SLFN12L: variants seen among roughly 807,000 people sequenced by gnomAD.
The protein encoded by SLFN12L is schlafen family member 12-like.
In SLFN12L, 34 loss-of-function variants were observed where a neutral mutation model predicts 34.8. The observed-to-expected ratio is 0.98, with a 90% confidence interval of 0.74 to 1.30. The LOEUF (loss-of-function observed/expected upper bound fraction) is 1.30, where lower values mean the gene tolerates loss of function less well. Among genes scored for constraint, SLFN12L ranks in the 50% most tolerant of loss-of-function variants. SLFN12L has a pLI of 0.00. For missense variants in SLFN12L, 703 were observed against 696.2 expected (o/e 1.01, Z -0.11); for synonymous variants, 259 against 247.5 (o/e 1.05, Z -0.44).
chr17:35,536,616 A>G (rs146766907), intron 1 of SLFN12L, among the ~76,000 whole-genome samples: 22 of 152,066 alleles, frequency 1.4e-4, no homozygotes, highest in African/African-American at 4.8e-4. Flanking sequence ...GTTTGAGACC[A>G]GTCTGAGCAA....
chr17:35,488,800 T>A (rs574705385), intron 2 of SLFN12L, among the ~76,000 whole-genome samples: 5 of 152,258 alleles, frequency 3.3e-5, no homozygotes, highest in African/African-American at 1.2e-4. Flanking sequence ...CCGGGCGCGG[T>A]GGCTCAGGAC....
intron 2 of SLFN12L, among the ~76,000 whole-genome samples, chr17:35,506,757 G>A (rs1234753461): frequency 6.6e-6 from 1 of 152,110 alleles, no homozygotes; most frequent in East Asian, 1.9e-4. Context: ...AATGGCCATG[G>A]GAAGCCCGAG....
chr17:35,523,070 C>A, intron 1 of SLFN12L, 101 bp from the exon 2 acceptor site: 1 of 277,676 alleles, frequency 3.6e-6, no homozygotes, highest in East Asian at 7.3e-5. Flanking sequence ...TTATTAATTA[C>A]AGATATTTCA....
intron 1 of SLFN12L, among the ~76,000 whole-genome samples, chr17:35,533,773 C>T (rs1391196876): frequency 1.3e-5 from 2 of 152,118 alleles, no homozygotes; most frequent in Non-Finnish European, 2.9e-5. Context: ...GGGTTCCTGG[C>T]TTTACCCTAA....
rs76821641 is a variant in SLFN12L, at chr17:35,536,839, C to A, written c.-606+734G>T. On this transcript the variant is annotated intron_variant, in intron 1 of 4. Coordinates refer to ENST00000628453, the MANE Select transcript of SLFN12L (RefSeq NM_001363830.2). ...AAAAAAAATAAGAAAAATAAGAAACCCCTTTTCATAGTGATGAAGCAATCA... is the reference window on the plus strand; with the variant it reads ...AAAAAAAATAAGAAAAATAAGAAACACCTTTTCATAGTGATGAAGCAATCA... Among the ~76,000 whole-genome samples the A allele has an allele frequency of 0.011, 1,624 of 151,444 alleles. 88 individuals carry two copies. The East Asian group carries it at 0.18, about 17-fold the overall frequency.
chr17:35,498,088 C>T (rs969539680), intron 2 of SLFN12L: 2 of 531,160 alleles, frequency 3.8e-6, no homozygotes, highest in Non-Finnish European at 6.6e-6. Flanking sequence ...GGCGGCGGGG[C>T]GCGGGGCTCC....
rs974542071 is a variant in SLFN12L, at chr17:35,469,882, C to T, written c.*5041G>A. Among the ~76,000 whole-genome samples the T allele has an allele frequency of 2.6e-5, 4 of 152,106 alleles. No individual in the cohort carries two copies. The highest frequency in any genetic ancestry group is 9.7e-5 in the African/African-American group (4 of 41,406). On this transcript the variant is annotated 3_prime_UTR_variant, in exon 5 of 5. Transcript: ENST00000628453. ...TCAAACTATTGAGTCCTAAGCTGTT[C>T]CCCCTGCCCAGCTGGACCTTTCCCA... is the stretch of plus-strand genomic sequence containing the variant.
intron 2 of SLFN12L, among the ~76,000 whole-genome samples, chr17:35,517,667 AC>A (rs1177024739): frequency 2.0e-5 from 3 of 152,234 alleles, no homozygotes; most frequent in African/African-American, 7.2e-5. Flanking sequence ...GCCTACAGTA[AC>A]CAAAACAGCA....
At chr17:35,507,693 G>A (rs951295120) in intron 2 of SLFN12L, among the ~76,000 whole-genome samples, 1 of 152,212 alleles carries the variant, frequency 6.6e-6, no homozygotes, top group Non-Finnish European at 1.5e-5. Context: ...TATAATAGGA[G>A]TTATAATAGT....
Position 35,478,310 on chromosome 17 carries a change from A to G in SLFN12L, c.1166-125T>C, listed in dbSNP as rs1914129711. 6.2e-5 allele frequency: 37 copies of G among 600,984 alleles called. No homozygotes were observed. The South Asian group carries it at 7.2e-4, about 12-fold the overall frequency. The allele number at this position is 600,984 out of a possible 1,614,324, so 37.2% of individuals were successfully genotyped here. On this transcript the variant is annotated intron_variant, in intron 3 of 4. Transcript: ENST00000628453. ...TGATCCTGCATTCCCAATACAGAAC[A>G]TTAGATATTGTGGTTACATATTGTG...
rs1440701626 is a variant in SLFN12L at position 35,479,628 on chromosome 17, G to A, written c.654C>T (p.Asn218=). The A allele has an allele frequency of 6.2e-7, 1 of 1,611,146 alleles. No homozygotes were observed. Among genetic ancestry groups the A allele is most frequent in the East Asian group, 2.2e-5 (1 of 44,834 alleles). The change falls in exon 3 of 5, where the codon AAC becomes AAT. Residue 218 remains asparagine (N), a synonymous_variant. Coordinates refer to ENST00000628453, the MANE Select transcript of SLFN12L (RefSeq NM_001363830.2). ...RACVDVQEES[N]MEALAADFFN... ...AAAAATCAGCAGCCAAGGCTTCCAT[G>A]TTACTTTCTTCTTGTACATCAACAC...
rs2142123951 is a variant in SLFN12L at position 35,475,380 on chromosome 17, T to C, written c.1382A>G (p.Asn461Ser). 5.0e-6 allele frequency: 8 copies of C among 1,614,240 alleles called. No homozygotes were observed. The highest frequency in any genetic ancestry group is 1.6e-4 in the Middle Eastern group (1 of 6,062). Residue 461 changes from asparagine to serine, a missense_variant, in exon 5 of 5, where the codon AAT becomes AGT. Coordinates refer to ENST00000628453, the MANE Select transcript of SLFN12L (RefSeq NM_001363830.2). ...CCTAGAGAAGATCAGTGAGCCCTTA[T>C]TGACAGAGCCCATTTCTTCACATAT... ...QLICEEMGSV[N>S]KGSLIFSRSW... is the part of the protein sequence containing the mutation.
chr17:35,502,372 A>G (rs906202384), intron 2 of SLFN12L, among the ~76,000 whole-genome samples: 1 of 149,214 alleles, frequency 6.7e-6, no homozygotes, highest in Non-Finnish European at 1.5e-5. Flanking sequence ...TTTTAGAGGA[A>G]ACCTCATTGT....
Position 35,467,368 on chromosome 17 carries a change from ACCTCTTT to A in SLFN12L, c.*7548_*7554del, listed in dbSNP as rs1298193575. Reference sequence around the variant, plus strand: ...CCTTTCAGATTAAGGAACACTAAGAACCTCTTTCCTCTTAGATACCCAAAATCACGTG... The same window carrying A: ...CCTTTCAGATTAAGGAACACTAAGAACCTCTTAGATACCCAAAATCACGTG... On this transcript the variant is annotated 3_prime_UTR_variant, in exon 5 of 5. Transcript: ENST00000628453. Among the ~76,000 whole-genome samples, 1 of 152,092 alleles carries A rather than the reference ACCTCTTT, an allele frequency of 6.6e-6. No homozygotes were observed. Among genetic ancestry groups the A allele is most frequent in the East Asian group, 1.9e-4 (1 of 5,194 alleles).
rs534728331 is a variant in SLFN12L at position 35,467,967 on chromosome 17, T to C, written c.*6956A>G. Among the ~76,000 whole-genome samples the C allele has an allele frequency of 1.8e-4, 27 of 152,334 alleles. No homozygotes were observed. The highest frequency in any genetic ancestry group is 5.8e-4 in the African/African-American group (24 of 41,576). On this transcript the variant is annotated 3_prime_UTR_variant, in exon 5 of 5. Transcript: ENST00000628453. ...CTCTGTTACCCAGGCTGGAGTGCAG[T>C]GGCGTGATCACGATTCACTCCCCAC...
intron 4 of SLFN12L, among the ~76,000 whole-genome samples, chr17:35,476,492 AGG>A (rs2142125298): frequency 6.7e-6 from 1 of 149,830 alleles, no homozygotes; most frequent in South Asian, 2.1e-4. Context: ...GAAGGAAGGA[AGG>A]AAGGAAGGAA....
chr17:35,495,139 A>T (rs547690450), intron 2 of SLFN12L, among the ~76,000 whole-genome samples: 2 of 152,086 alleles, frequency 1.3e-5, no homozygotes, highest in Non-Finnish European at 2.9e-5. Flanking sequence ...GGCTCATGCA[A>T]TCTGCCCGCC....
intron 4 of SLFN12L, 151 bp downstream of exon 4, chr17:35,477,924 T>C: frequency 1.8e-6 from 1 of 554,612 alleles, no homozygotes; most frequent in Non-Finnish European, 3.2e-6. Context: ...AGAAATAGAA[T>C]TTGACAAATT....
chr17:35,524,532 G>A (rs2072315544), intron 1 of SLFN12L, among the ~76,000 whole-genome samples: 1 of 152,234 alleles, frequency 6.6e-6, no homozygotes, highest in Admixed American at 6.5e-5. Flanking sequence ...GAAAGAACAG[G>A]CAGCAATCTT....
Sources: allele counts gnomAD v4.1 joint callset (sites outside exome capture counted in the v4.1 genomes callset), GRCh38; gene constraint gnomAD v4.1.1; transcripts MANE v1.5; gene names NCBI Gene and HGNC (gene_info 2026-07-23, HGNC 2026-07-21).